The following WWP2 variants were observed in gnomAD, a reference collection of about 807,000 sequenced individuals.
WWP2 encodes the protein NEDD4-like E3 ubiquitin-protein ligase WWP2.
A neutral mutation model predicts 121.0 loss-of-function variants in WWP2; 57 were observed. That is an observed-to-expected ratio of 0.47 (90% CI 0.38 to 0.59). The LOEUF (loss-of-function observed/expected upper bound fraction) is 0.59, where lower values mean the gene tolerates loss of function less well. Ranked by LOEUF, WWP2 falls within the 20% of genes least tolerant of loss-of-function variation. The pLI, the probability that WWP2 is intolerant of heterozygous loss-of-function variation, is 0.00. For missense variants in WWP2, 962 were observed against 1,158.9 expected (o/e 0.83, Z 2.47); for synonymous variants, 449 against 441.3 (o/e 1.02, Z -0.22).
At chr16:69,908,897 G>T in intron 9 of WWP2, 47 bp downstream of exon 9, 1 of 1,613,438 alleles carries the variant, frequency 6.2e-7, no homozygotes, top group South Asian at 1.1e-5. Context: ...CTGACACCAT[G>T]AGTCACCCAA....
chr16:69,766,505 T>C (rs758496677), intron 1 of WWP2, among the ~76,000 whole-genome samples: 1 of 152,124 alleles, frequency 6.6e-6, no homozygotes, highest in Non-Finnish European at 1.5e-5. Context: ...AAGCCTTCCA[T>C]GACCTGATCT....
rs568711071 is a variant in WWP2, at chr16:69,939,532, G to C, written c.2513+119G>C. ...GTCTGGCAGCTTTTGCGTGGCCCTGGGGTGTTGGGTTGGAGAGATGGGGCT... is the reference window on the plus strand; with the variant it reads ...GTCTGGCAGCTTTTGCGTGGCCCTGCGGTGTTGGGTTGGAGAGATGGGGCT... On this transcript the variant is annotated intron_variant, in intron 23 of 23. Coordinates refer to ENST00000359154, the MANE Select transcript of WWP2 (RefSeq NM_001270454.2). The C allele has an allele frequency of 1.5e-5, 16 of 1,036,594 alleles. No individual in the cohort carries two copies. In the Admixed American group the frequency reaches 3.4e-4, roughly 22 times the overall value. 64.2% of individuals were successfully genotyped at this position (1,036,594 alleles called of 1,614,324 possible).
rs1157206656 is a variant in WWP2, at chr16:69,917,853, G to A, written c.1149G>A (p.Met383Ile). 2.5e-6 allele frequency: 4 copies of A among 1,612,632 alleles called. No individual in the cohort carries two copies. In the African/African-American group the frequency reaches 5.3e-5, roughly 22 times the overall value. The stretch of plus-strand genomic sequence containing the variant: ...AGCGGAATCAGCTCCAGGGGGCCAT[G>A]CAGCACTTCAGCCAAAGATTCCTCT... ...QSQRNQLQGA[M>I]QHFSQRFLYQ... is the part of the protein sequence containing the mutation. The change falls in exon 10 of 24, where the codon ATG becomes ATA. Residue 383 changes from methionine to isoleucine, a missense_variant. Physicochemically the swap from Met to Ile is conservative, Grantham distance 10. Transcript: ENST00000359154.
Position 69,926,519 on chromosome 16 carries a change from C to A in WWP2, c.1234+1035C>A, listed in dbSNP as rs146272908. ...GAAACATGCAGGTTTGGAGCTGGAT[C>A]TTCTCGATGCAGACACTTCTGCTCT... On this transcript the variant is annotated intron_variant, in intron 11 of 23. Transcript: ENST00000359154. Among the ~76,000 whole-genome samples, 392 of 152,250 alleles carry A rather than the reference C, an allele frequency of 2.6e-3. 2 individuals are homozygous for A. Among genetic ancestry groups the A allele is most frequent in the African/African-American group, 9.0e-3 (375 of 41,552 alleles).
At chr16:69,880,026 C>T (rs898471369) in intron 7 of WWP2, among the ~76,000 whole-genome samples, 1 of 151,170 alleles carries the variant, frequency 6.6e-6, no homozygotes, top group Non-Finnish European at 1.5e-5. Context: ...ATTGGTTCTG[C>T]AGAGATAAAT....
chr16:69,840,759 G>A (rs1597034471), intron 5 of WWP2, among the ~76,000 whole-genome samples: 1 of 152,166 alleles, frequency 6.6e-6, no homozygotes, highest in East Asian at 1.9e-4. Flanking sequence ...TTTTGATCTA[G>A]TCTGAAATTA....
intron 4 of WWP2, among the ~76,000 whole-genome samples, chr16:69,812,888 G>C (rs2056421428): frequency 6.6e-6 from 1 of 152,096 alleles, no homozygotes; most frequent in African/African-American, 2.4e-5. Context: ...CAATGAAAAG[G>C]TATTATAATT....
chr16:69,838,390 C>T (rs2056914233), intron 4 of WWP2, among the ~76,000 whole-genome samples: 2 of 150,526 alleles, frequency 1.3e-5, no homozygotes, highest in African/African-American at 4.9e-5. Flanking sequence ...ACCCTATTGC[C>T]AGAGACTTAG....
chr16:69,826,355 C>A (rs1040165329), intron 4 of WWP2, among the ~76,000 whole-genome samples: 14 of 151,088 alleles, frequency 9.3e-5, no homozygotes, highest in Non-Finnish European at 1.9e-4. Context: ...ATCACAAGGC[C>A]AGGAGTACGA....
At chr16:69,868,411 A>T (rs1411594723) in intron 6 of WWP2, among the ~76,000 whole-genome samples, 2 of 152,112 alleles carry the variant, frequency 1.3e-5, no homozygotes, top group Non-Finnish European at 2.9e-5. Flanking sequence ...CCCTATTGTC[A>T]TGCCCAGCTG....
intron 7 of WWP2, among the ~76,000 whole-genome samples, chr16:69,878,592 C>T (rs1229163181): frequency 6.6e-6 from 1 of 152,154 alleles, no homozygotes; most frequent in African/African-American, 2.4e-5. Context: ...CAACTCCTGG[C>T]TTGGATCGAT....
At position 69,940,015 on chromosome 16, in the gene WWP2, C is replaced by A; in HGVS notation, c.*75C>A. ...TCCCTGCCTGAGAGGCCACTGGCCC[C>A]GCAGCCCTTGGGAGGCCCCCGTGGA... On this transcript the variant is annotated 3_prime_UTR_variant, in exon 24 of 24. Coordinates refer to ENST00000359154, the MANE Select transcript of WWP2 (RefSeq NM_001270454.2). 7.7e-7 allele frequency: 1 copy of A among 1,303,316 alleles called. No individual in the cohort carries two copies. Among genetic ancestry groups the A allele is most frequent in the Non-Finnish European group, 1.1e-6 (1 of 933,776 alleles). The allele number at this position is 1,303,316 out of a possible 1,614,324, so 80.7% of individuals were successfully genotyped here.
intron 2 of WWP2, among the ~76,000 whole-genome samples, chr16:69,797,406 G>A (rs2056069453): frequency 6.6e-6 from 1 of 152,104 alleles, no homozygotes; most frequent in Admixed American, 6.6e-5. Flanking sequence ...GTAGCTCCCT[G>A]GCTATGTAGA....
At chr16:69,812,407 T>G (rs2056409835) in intron 4 of WWP2, among the ~76,000 whole-genome samples, 1 of 151,006 alleles carries the variant, frequency 6.6e-6, no homozygotes, top group South Asian at 2.1e-4. Context: ...TCAGGTAACC[T>G]GCCCGCCTCG....
intron 6 of WWP2, among the ~76,000 whole-genome samples, chr16:69,865,089 G>T (rs1361871153): frequency 2.0e-5 from 3 of 151,494 alleles, no homozygotes; most frequent in African/African-American, 4.9e-5. Flanking sequence ...TGGCTCTGTC[G>T]TGTAGGCTGG....
intron 8 of WWP2, among the ~76,000 whole-genome samples, chr16:69,904,701 C>G (rs2058260402): frequency 6.6e-6 from 1 of 152,096 alleles, no homozygotes; most frequent in Non-Finnish European, 1.5e-5. Context: ...GCCACTTTTG[C>G]CAGATCCTGC....
intron 2 of WWP2, among the ~76,000 whole-genome samples, chr16:69,789,138 A>G (rs2055854897): frequency 6.6e-6 from 1 of 151,934 alleles, no homozygotes; most frequent in Admixed American, 6.6e-5. Flanking sequence ...GCTCACTGCA[A>G]TTTCTTCCTC....
intron 4 of WWP2, among the ~76,000 whole-genome samples, chr16:69,835,543 C>T (rs1272394210): frequency 1.3e-5 from 2 of 152,172 alleles, no homozygotes; most frequent in Non-Finnish European, 2.9e-5. Flanking sequence ...ACAGTGAACA[C>T]CCAAATGCCA....
chr16:69,801,113 C>T (rs1226692476), intron 4 of WWP2, among the ~76,000 whole-genome samples: 4 of 147,092 alleles, frequency 2.7e-5, no homozygotes, highest in African/African-American at 4.9e-5. Flanking sequence ...CGCTTGAACC[C>T]GGGAGGTGGA....
Sources: gnomAD v4.1 joint callset for allele counts (sites outside exome capture counted in the v4.1 genomes callset) on GRCh38, gnomAD v4.1.1 for gene constraint, MANE v1.5 for transcripts, NCBI Gene and HGNC (gene_info 2026-07-23, HGNC 2026-07-21) for gene names.